TCERG1L: variants seen among roughly 807,000 people sequenced by gnomAD.
The protein encoded by TCERG1L is transcription elongation regulator 1 like, also known as transcription elongation regulator 1-like protein.
Under a neutral mutation model 56.3 loss-of-function variants are expected in TCERG1L, and 37 were observed. That is an observed-to-expected ratio of 0.66 (90% confidence interval 0.51 to 0.87). The LOEUF (loss-of-function observed/expected upper bound fraction) is 0.87. Among genes scored for constraint, TCERG1L ranks in the 40% least tolerant of loss-of-function variants. The pLI, the probability that TCERG1L is intolerant of heterozygous loss-of-function variation, is 0.00. For missense variants in TCERG1L, 799 were observed against 774.2 expected (o/e 1.03, Z -0.38); for synonymous variants, 324 against 326.3 (o/e 0.99, Z 0.08).
intron 8 of TCERG1L, among the ~76,000 whole-genome samples, chr10:131,133,671 T>G (rs1416328102): frequency 6.6e-6 from 1 of 152,162 alleles, no homozygotes; most frequent in East Asian, 1.9e-4. Context: ...ACTTCCACAT[T>G]CACCCCCTTA....
intron 6 of TCERG1L, among the ~76,000 whole-genome samples, chr10:131,152,768 A>G (rs1433672973): frequency 1.3e-5 from 2 of 152,186 alleles, no homozygotes; most frequent in African/African-American, 4.8e-5. Flanking sequence ...GGTTTAATTG[A>G]CTTACAGTTC....
At chr10:131,144,126 T>C (rs1025660529) in intron 7 of TCERG1L, among the ~76,000 whole-genome samples, 1 of 152,118 alleles carries the variant, frequency 6.6e-6, no homozygotes, top group Non-Finnish European at 1.5e-5. Flanking sequence ...AGCAGTTAAA[T>C]GTGGCAGCCA....
intron 4 of TCERG1L, among the ~76,000 whole-genome samples, chr10:131,218,984 C>T (rs1354715122): frequency 6.6e-6 from 1 of 152,162 alleles, no homozygotes; most frequent in African/African-American, 2.4e-5. Context: ...AGCCAGGGCA[C>T]CAGCCACTGT....
At chr10:131,096,927 T>C (rs906525549) in intron 11 of TCERG1L, among the ~76,000 whole-genome samples, 17 of 149,866 alleles carry the variant, frequency 1.1e-4, no homozygotes, top group African/African-American at 3.9e-4. Context: ...TGGCTGGGCA[T>C]GGTGTCTCAC....
intron 4 of TCERG1L, among the ~76,000 whole-genome samples, chr10:131,188,165 T>C (rs1482339385): frequency 6.6e-6 from 1 of 152,194 alleles, no homozygotes; most frequent in Non-Finnish European, 1.5e-5. Context: ...AGCAGTTAAT[T>C]GGTTGTGTTA....
chr10:131,179,613 G>A (rs952091611), intron 4 of TCERG1L, among the ~76,000 whole-genome samples: 2 of 152,138 alleles, frequency 1.3e-5, no homozygotes, highest in Non-Finnish European at 2.9e-5. Context: ...CTACTGACAC[G>A]ACCACCATGG....
intron 6 of TCERG1L, among the ~76,000 whole-genome samples, chr10:131,160,474 G>A (rs973445336): frequency 6.6e-6 from 1 of 151,980 alleles, no homozygotes; most frequent in Admixed American, 6.6e-5. Context: ...TCTGACCACA[G>A]CCACCCTTAC....
At chr10:131,257,048 A>AGAAG (rs1846180268) in intron 4 of TCERG1L, among the ~76,000 whole-genome samples, 1 of 146,304 alleles carries the variant, frequency 6.8e-6, no homozygotes, top group African/African-American at 2.6e-5. Flanking sequence ...AAAGAAAGAA[A>AGAAG]GAAAGAAAAG....
chr10:131,297,641 A>G (rs1411080641), intron 3 of TCERG1L, among the ~76,000 whole-genome samples: 2 of 152,144 alleles, frequency 1.3e-5, no homozygotes, highest in African/African-American at 4.8e-5. Context: ...AGTTTATTTT[A>G]ATTTGTGTAT....
intron 4 of TCERG1L, among the ~76,000 whole-genome samples, chr10:131,180,591 G>C (rs1238548618): frequency 1.3e-5 from 2 of 152,128 alleles, no homozygotes; most frequent in African/African-American, 4.8e-5. Flanking sequence ...AGAATTTCAA[G>C]GGGGGCCGGT....
At chr10:131,222,987 A>G (rs776016264) in intron 4 of TCERG1L, among the ~76,000 whole-genome samples, 7 of 152,134 alleles carry the variant, frequency 4.6e-5, no homozygotes, top group Non-Finnish European at 8.8e-5. Flanking sequence ...AGTTCTGGTG[A>G]GGATAGTGAG....
intron 4 of TCERG1L, among the ~76,000 whole-genome samples, chr10:131,202,112 T>C (rs1845444080): frequency 6.6e-6 from 1 of 152,144 alleles, no homozygotes; most frequent in Non-Finnish European, 1.5e-5. Flanking sequence ...TCCAGAAGCG[T>C]TGTACCAAAC....
At chr10:131,192,253 G>A (rs1263983336) in intron 4 of TCERG1L, among the ~76,000 whole-genome samples, 1 of 143,804 alleles carries the variant, frequency 7.0e-6, no homozygotes, top group African/African-American at 2.6e-5. Context: ...ATATACAAAT[G>A]GACAACAACC....
At chr10:131,201,436 C>T (rs932911383) in intron 4 of TCERG1L, among the ~76,000 whole-genome samples, 22 of 152,250 alleles carry the variant, frequency 1.4e-4, no homozygotes, top group African/African-American at 3.4e-4. Flanking sequence ...AAGAGTTCCC[C>T]GGGGTCTCGT....
chr10:131,301,428 C>A (rs556974405), intron 3 of TCERG1L, among the ~76,000 whole-genome samples: 1 of 151,892 alleles, frequency 6.6e-6, no homozygotes, highest in Non-Finnish European at 1.5e-5. Context: ...CACATATATC[C>A]TAAAGGATTA....
chr10:131,274,009 T>C (rs1846368200), intron 3 of TCERG1L, among the ~76,000 whole-genome samples: 1 of 152,120 alleles, frequency 6.6e-6, no homozygotes, highest in Non-Finnish European at 1.5e-5. Flanking sequence ...TCTGTTTTCT[T>C]CTCTTCTGTT....
chr10:131,246,243 G>A (rs970201633), intron 4 of TCERG1L, among the ~76,000 whole-genome samples: 2 of 152,202 alleles, frequency 1.3e-5, no homozygotes, highest in African/African-American at 4.8e-5. Context: ...TTCTGGGGGT[G>A]GCACGAGCTG....
intron 4 of TCERG1L, among the ~76,000 whole-genome samples, chr10:131,195,355 C>G (rs560316660): frequency 1.3e-5 from 2 of 152,228 alleles, no homozygotes; most frequent in Non-Finnish European, 2.9e-5. Context: ...GCCTCGCTTA[C>G]TTGGTTTCCC....
chr10:131,256,317 A>ACTTGTTATATAG (rs77701835), intron 4 of TCERG1L, among the ~76,000 whole-genome samples: 47,633 of 151,932 alleles, frequency 0.31, 7,983 homozygotes, highest in East Asian at 0.58. Flanking sequence ...AGACTTTCTG[A>ACTTGTTATATAG]CTTGGCTGGT....
Sources: allele counts gnomAD v4.1 joint callset (sites outside exome capture counted in the v4.1 genomes callset), GRCh38; gene constraint gnomAD v4.1.1; transcripts MANE v1.5; gene names NCBI Gene and HGNC (gene_info 2026-07-23, HGNC 2026-07-21).